The following PCDHA5 variants were observed in gnomAD, a reference collection of about 807,000 sequenced individuals.
PCDHA5 encodes protocadherin alpha-5.
PCDHA5 carries 43 observed loss-of-function variants against 61.6 expected under a neutral mutation model. The ratio of observed to expected loss-of-function variants is 0.70; its 90% CI spans 0.55 to 0.90. The LOEUF is 0.90. Ranked by LOEUF, PCDHA5 falls within the 40% of genes least tolerant of loss-of-function variation. The pLI, the probability that PCDHA5 is intolerant of heterozygous loss-of-function variation, is 0.00. For synonymous variants in PCDHA5, 627 were observed against 543.9 expected, an observed-to-expected ratio of 1.15 and a Z score of -2.13; for missense variants, 1,298 against 1,222.7, an observed-to-expected ratio of 1.06 and a Z score of -0.92.
intron 1 of PCDHA5, chr5:140,871,528 T>G: frequency 2.0e-6 from 3 of 1,530,602 alleles, no homozygotes; most frequent in Non-Finnish European, 2.6e-6. Context: ...TATCAGGAAG[T>G]GTATGTGAAA....
chr5:140,954,181 T>C (rs1342526768), intron 1 of PCDHA5, among the ~76,000 whole-genome samples: 1 of 152,234 alleles, frequency 6.6e-6, no homozygotes, highest in Non-Finnish European at 1.5e-5. Flanking sequence ...ATCCAGTCTA[T>C]CATTGATGGG....
chr5:141,008,439 G>A (rs2098377388), intron 3 of PCDHA5, among the ~76,000 whole-genome samples: 1 of 152,128 alleles, frequency 6.6e-6, no homozygotes, highest in African/African-American at 2.4e-5. Context: ...TGCCCAGACA[G>A]ACCATTACCC....
intron 1 of PCDHA5, among the ~76,000 whole-genome samples, chr5:140,949,857 G>A (rs1554219193): frequency 6.6e-6 from 1 of 151,520 alleles, no homozygotes; most frequent in East Asian, 1.9e-4. Context: ...CCGCTTATCT[G>A]TTGTCTTTTG....
At chr5:140,836,625 T>C in intron 1 of PCDHA5, 1 of 1,613,558 alleles carries the variant, frequency 6.2e-7, no homozygotes, top group Non-Finnish European at 8.5e-7. Flanking sequence ...GGTGGGGAGC[T>C]GGTCATTCTC....
chr5:140,827,015 A>T (rs1554130692), intron 1 of PCDHA5, among the ~76,000 whole-genome samples: 1 of 152,218 alleles, frequency 6.6e-6, no homozygotes, highest in African/African-American at 2.4e-5. Context: ...ATGTCATTAA[A>T]AATATGAATT....
At chr5:140,926,879 C>T (rs1554203752) in intron 1 of PCDHA5, 1 of 1,534,362 alleles carries the variant, frequency 6.5e-7, no homozygotes, top group African/African-American at 1.4e-5. Context: ...GGAACGTGGA[C>T]GCCTAGAGGG....
At chr5:140,947,627 A>C (rs1375142600) in intron 1 of PCDHA5, among the ~76,000 whole-genome samples, 1 of 151,696 alleles carries the variant, frequency 6.6e-6, no homozygotes, top group Non-Finnish European at 1.5e-5. Context: ...ATATTGAGTC[A>C]TCAGATCGTA....
rs371577720 is a variant in PCDHA5 at position 140,877,172 on chromosome 5, C to G, written c.2352+53045C>G. 239 of 1,613,700 alleles carry G rather than the reference C, an allele frequency of 1.5e-4. No homozygotes were observed. Among genetic ancestry groups the G allele is most frequent in the Non-Finnish European group, 1.9e-4 (229 of 1,179,846 alleles). On this transcript the variant is annotated intron_variant, in intron 1 of 3. Transcript: ENST00000529859. ...AACGACAACGCGCCGGCACTGCTGG[C>G]GACTCCGGCTGGCAGCGCAGGAGGC...
chr5:140,837,156 A>G (rs1554136407), intron 1 of PCDHA5: 1 of 153,056 alleles, frequency 6.5e-6, no homozygotes, highest in Non-Finnish European at 1.5e-5. Context: ...TTTATAAAAT[A>G]TAGCTGTGTC....
chr5:140,895,561 T>C (rs1011627715), intron 1 of PCDHA5, among the ~76,000 whole-genome samples: 2 of 152,240 alleles, frequency 1.3e-5, no homozygotes, highest in Non-Finnish European at 2.9e-5. Flanking sequence ...TCTTTATATA[T>C]TCTAGATGCA....
At chr5:140,876,577 A>G (rs1554168681) in intron 1 of PCDHA5, 2 of 1,614,182 alleles carry the variant, frequency 1.2e-6, no homozygotes, top group Non-Finnish European at 1.7e-6. Context: ...GGGTACCGTC[A>G]TTGCCCTGAT....
intron 1 of PCDHA5, among the ~76,000 whole-genome samples, chr5:140,970,254 T>C (rs1315934666): frequency 1.3e-5 from 2 of 152,238 alleles, no homozygotes; most frequent in African/African-American, 4.8e-5. Context: ...TGACAGTTTC[T>C]ATGGTTTTGA....
At chr5:140,915,023 G>A (rs1273717052) in intron 1 of PCDHA5, among the ~76,000 whole-genome samples, 3 of 147,742 alleles carry the variant, frequency 2.0e-5, no homozygotes, top group African/African-American at 7.5e-5. Context: ...TTGGCTCACT[G>A]CAACTTCTGC....
intron 1 of PCDHA5, among the ~76,000 whole-genome samples, chr5:140,919,430 T>C (rs935963449): frequency 1.3e-5 from 2 of 152,196 alleles, no homozygotes; most frequent in Non-Finnish European, 2.9e-5. Flanking sequence ...TGCCTTTTGA[T>C]TGGGTTCTTT....
intron 1 of PCDHA5, among the ~76,000 whole-genome samples, chr5:140,962,929 A>T (rs1386992197): frequency 1.3e-5 from 2 of 152,070 alleles, no homozygotes; most frequent in Non-Finnish European, 2.9e-5. Context: ...ATACTTCTCA[A>T]CCTCCTCTCC....
chr5:140,837,386 T>C (rs1207161935), intron 1 of PCDHA5, among the ~76,000 whole-genome samples: 1 of 152,036 alleles, frequency 6.6e-6, no homozygotes, highest in Non-Finnish European at 1.5e-5. Context: ...ATTTTGTTCC[T>C]TGTTTGTATA....
At chr5:140,892,504 G>A (rs2063551551) in intron 1 of PCDHA5, among the ~76,000 whole-genome samples, 1 of 152,176 alleles carries the variant, frequency 6.6e-6, no homozygotes, top group Non-Finnish European at 1.5e-5. Context: ...TGTTTAAGAA[G>A]TTCCACCATG....
Position 140,823,398 on chromosome 5 carries a change from G to A in PCDHA5, c.1623G>A (p.Val541=). The A allele has an allele frequency of 6.2e-7, 1 of 1,612,976 alleles. No homozygotes were observed. Among genetic ancestry groups the A allele is most frequent in the East Asian group, 2.2e-5 (1 of 44,864 alleles). ...QFQVSARDAG[V]PPLGSNVTLQ... is the part of the protein sequence containing the mutation. ...AGGTGAGCGCGCGCGACGCGGGCGT[G>A]CCGCCTCTGGGCAGCAACGTGACGC... Residue 541 remains valine, a synonymous_variant, in exon 1 of 4, where the codon GTG becomes GTA. Transcript: ENST00000529859.
intron 3 of PCDHA5, among the ~76,000 whole-genome samples, chr5:140,996,177 C>T (rs1214472705): frequency 6.6e-6 from 1 of 152,226 alleles, no homozygotes; most frequent in Non-Finnish European, 1.5e-5. Flanking sequence ...GCTGACAGCA[C>T]CTCCATTTTA....
Sources: allele counts gnomAD v4.1 joint callset (sites outside exome capture counted in the v4.1 genomes callset), GRCh38; gene constraint gnomAD v4.1.1; transcripts MANE v1.5; gene names NCBI Gene and HGNC (gene_info 2026-07-23, HGNC 2026-07-21).